RBFOX1: variants seen among roughly 807,000 people sequenced by gnomAD.
The protein encoded by RBFOX1 is RNA binding protein fox-1 homolog 1.
Under a neutral mutation model 57.7 loss-of-function variants are expected in RBFOX1, and 8 were observed. The ratio of observed to expected loss-of-function variants is 0.14; its 90% CI spans 0.08 to 0.25. RBFOX1 has a LOEUF of 0.25. Ranked by LOEUF, RBFOX1 falls within the 10% of genes least tolerant of loss-of-function variation. RBFOX1 has a pLI of 1.00. For missense variants in RBFOX1, 611 were observed against 548.5 expected (o/e 1.11, Z -1.14); for synonymous variants, 326 against 222.4 (o/e 1.47, Z -4.15).
intron 3 of RBFOX1, among the ~76,000 whole-genome samples, chr16:6,824,200 T>A (rs955426612): frequency 1.3e-5 from 2 of 152,098 alleles, no homozygotes; most frequent in South Asian, 4.1e-4. Context: ...AGGTCAGGAG[T>A]TCGAGACCAG....
intron 1 of RBFOX1, among the ~76,000 whole-genome samples, chr16:6,237,389 G>T (rs190133828): frequency 1.3e-5 from 2 of 152,168 alleles, no homozygotes; most frequent in East Asian, 1.9e-4. Flanking sequence ...AAGGTGAAGG[G>T]CTATTATAGT....
At chr16:6,633,893 C>G (rs1173071998) in intron 2 of RBFOX1, among the ~76,000 whole-genome samples, 1 of 152,008 alleles carries the variant, frequency 6.6e-6, no homozygotes, top group Non-Finnish European at 1.5e-5. Flanking sequence ...TGCCTGTAGT[C>G]CTAGCGACTC....
intron 4 of RBFOX1, among the ~76,000 whole-genome samples, chr16:7,060,267 A>C (rs190826121): frequency 1.8e-4 from 27 of 152,322 alleles, no homozygotes; most frequent in Admixed American, 7.8e-4. Flanking sequence ...AACTTTATTT[A>C]CAAGAACAGG....
chr16:6,482,933 C>G (rs1328673868), intron 2 of RBFOX1, among the ~76,000 whole-genome samples: 2 of 152,194 alleles, frequency 1.3e-5, no homozygotes, highest in African/African-American at 4.8e-5. Context: ...AATTGGTTGT[C>G]AAGTGCGGAC....
chr16:5,699,944 C>T (rs1217609602), intron 3 of RBFOX1, among the ~76,000 whole-genome samples: 1 of 152,164 alleles, frequency 6.6e-6, no homozygotes, highest in Non-Finnish European at 1.5e-5. Context: ...CGCCATTCTC[C>T]TGCTCAGCCT....
At chr16:6,844,320 T>C (rs987668823) in intron 3 of RBFOX1, among the ~76,000 whole-genome samples, 8 of 152,120 alleles carry the variant, frequency 5.3e-5, no homozygotes, top group African/African-American at 1.9e-4. Context: ...AAATCTGGTG[T>C]TCATTAGGTA....
At chr16:6,211,176 T>G in intron 1 of RBFOX1, among the ~76,000 whole-genome samples, 1 of 145,430 alleles carries the variant, frequency 6.9e-6, no homozygotes. Flanking sequence ...TGAGACAGAG[T>G]GTTTTCTTCT....
chr16:7,309,405 T>C (rs2096262178), intron 4 of RBFOX1, among the ~76,000 whole-genome samples: 1 of 152,186 alleles, frequency 6.6e-6, no homozygotes, highest in Non-Finnish European at 1.5e-5. Flanking sequence ...CTTCTGAAAA[T>C]TGTAAGCATC....
chr16:5,781,706 C>G (rs2054330003), intron 3 of RBFOX1, among the ~76,000 whole-genome samples: 1 of 152,222 alleles, frequency 6.6e-6, no homozygotes, highest in Non-Finnish European at 1.5e-5. Flanking sequence ...TAGAATTGCC[C>G]TGTGGGCTAT....
intron 4 of RBFOX1, among the ~76,000 whole-genome samples, chr16:5,962,606 C>T (rs1369718243): frequency 1.3e-5 from 2 of 152,120 alleles, no homozygotes; most frequent in East Asian, 3.9e-4. Flanking sequence ...CATTCATAGT[C>T]ATTCATTCAC....
chr16:6,084,602 G>C (rs547915859), intron 1 of RBFOX1, among the ~76,000 whole-genome samples: 2 of 151,522 alleles, frequency 1.3e-5, no homozygotes, highest in South Asian at 4.1e-4. Context: ...CCTTTATAAC[G>C]GTTTGCTAGT....
chr16:5,753,435 C>G (rs890406345), intron 3 of RBFOX1, among the ~76,000 whole-genome samples: 1 of 152,138 alleles, frequency 6.6e-6, no homozygotes. Context: ...GCGTTTTTCA[C>G]TTGAAAAAGA....
chr16:5,882,052 A>G (rs2057777600), intron 4 of RBFOX1, among the ~76,000 whole-genome samples: 1 of 152,180 alleles, frequency 6.6e-6, no homozygotes, highest in African/African-American at 2.4e-5. Flanking sequence ...TCAGGTCAGT[A>G]TTAGTTATTT....
intron 3 of RBFOX1, among the ~76,000 whole-genome samples, chr16:7,002,891 T>C (rs1204369601): frequency 1.3e-5 from 2 of 152,092 alleles, no homozygotes; most frequent in East Asian, 3.9e-4. Flanking sequence ...AAGATAAGGC[T>C]AGAAATCAGA....
intron 1 of RBFOX1, among the ~76,000 whole-genome samples, chr16:5,369,734 G>T (rs557071361): frequency 1.3e-5 from 2 of 152,278 alleles, no homozygotes; most frequent in East Asian, 3.9e-4. Context: ...TGTGGTTGAA[G>T]CCACCCTTTC....
chr16:6,947,295 C>T (rs1480430883), intron 3 of RBFOX1, among the ~76,000 whole-genome samples: 4 of 152,106 alleles, frequency 2.6e-5, no homozygotes, highest in East Asian at 1.9e-4. Context: ...GTAAGGTCAC[C>T]CTTCCCACAG....
intron 2 of RBFOX1, among the ~76,000 whole-genome samples, chr16:6,613,720 C>T (rs749435987): frequency 1.3e-5 from 2 of 152,128 alleles, no homozygotes; most frequent in South Asian, 2.1e-4. Flanking sequence ...GCAGATCACT[C>T]GAGGCCAAGC....
At chr16:6,535,578 C>T (rs1375345584) in intron 2 of RBFOX1, among the ~76,000 whole-genome samples, 2 of 152,172 alleles carry the variant, frequency 1.3e-5, no homozygotes, top group East Asian at 3.9e-4. Context: ...AAATGGCTGT[C>T]ACAAATGCTT....
intron 4 of RBFOX1, among the ~76,000 whole-genome samples, chr16:7,061,682 T>TA (rs1489455840): frequency 6.6e-6 from 1 of 152,204 alleles, no homozygotes; most frequent in Non-Finnish European, 1.5e-5. Flanking sequence ...AGGGAAAATC[T>TA]ATTCCCATTT....
Sources: allele counts gnomAD v4.1 joint callset (sites outside exome capture counted in the v4.1 genomes callset), GRCh38; gene constraint gnomAD v4.1.1; transcripts MANE v1.5; gene names NCBI Gene and HGNC (gene_info 2026-07-23, HGNC 2026-07-21).